Variants in SDK1 observed in about 807,000 individuals in gnomAD.
The protein encoded by SDK1 is protein sidekick-1.
A neutral mutation model predicts 245.5 loss-of-function variants in SDK1; 157 were observed. That is an observed-to-expected ratio of 0.64 (90% CI 0.56 to 0.73). The LOEUF (loss-of-function observed/expected upper bound fraction) is 0.73. SDK1 is among the 30% of genes least tolerant of loss of function. SDK1 has a pLI of 0.00. For missense variants in SDK1, 3,583 were observed against 3,002.3 expected, an observed-to-expected ratio of 1.19 and a Z score of -4.52; for synonymous variants, 1,647 against 1,278.5, an observed-to-expected ratio of 1.29 and a Z score of -6.15.
chr7:3,478,012 C>T (rs545732173), intron 1 of SDK1, among the ~76,000 whole-genome samples: 1 of 152,154 alleles, frequency 6.6e-6, no homozygotes, highest in South Asian at 2.1e-4. Context: ...TATATCCTTC[C>T]TATTGATTTG....
At chr7:3,802,633 A>T (rs541614531) in intron 4 of SDK1, among the ~76,000 whole-genome samples, 13 of 151,828 alleles carry the variant, frequency 8.6e-5, no homozygotes, top group African/African-American at 3.1e-4. Context: ...CAGCTTCCCA[A>T]CCTGGCAGCC....
intron 19 of SDK1, among the ~76,000 whole-genome samples, chr7:4,052,701 A>G (rs1178956475): frequency 2.0e-5 from 3 of 152,200 alleles, no homozygotes; most frequent in Non-Finnish European, 4.4e-5. Flanking sequence ...CCTATGTGGT[A>G]TCATTATGAG....
intron 1 of SDK1, among the ~76,000 whole-genome samples, chr7:3,471,196 G>T (rs1480639300): frequency 6.6e-6 from 1 of 152,060 alleles, no homozygotes; most frequent in Admixed American, 6.5e-5. Context: ...TACTTGAGTC[G>T]TGAGAAGACT....
intron 1 of SDK1, 104 bp from the exon 2 acceptor site, chr7:3,618,976 C>G: frequency 1.0e-6 from 1 of 989,762 alleles, no homozygotes; most frequent in Non-Finnish European, 1.5e-6. Context: ...CCATCACTTT[C>G]ATTTTAATAT....
intron 44 of SDK1, among the ~76,000 whole-genome samples, chr7:4,254,636 T>TG (rs1787519176): frequency 6.6e-6 from 1 of 152,162 alleles, no homozygotes; most frequent in African/African-American, 2.4e-5. Flanking sequence ...CCTTCTTTTT[T>TG]TTTTTTTTTC....
rs143546261 is a variant in SDK1 at position 3,955,105 on chromosome 7, C to T, written c.1150+3185C>T. ...CGAAGCCAGCTGCTCCCACATGTGC[C>T]CTGCTCCTGCTGAGCACGATGGCTC... is the stretch of plus-strand genomic sequence containing the variant. On this transcript the variant is annotated intron_variant, in intron 7 of 44. Transcript: ENST00000404826. 3.9e-3 allele frequency among the ~76,000 whole-genome samples: 591 copies of T among 152,322 alleles called. 3 individuals carry two copies. Among genetic ancestry groups the T allele is most frequent in the Middle Eastern group, 0.02 (6 of 294 alleles).
chr7:3,948,466 G>T (rs1013748523), intron 5 of SDK1, among the ~76,000 whole-genome samples: 1 of 152,090 alleles, frequency 6.6e-6, no homozygotes, highest in Non-Finnish European at 1.5e-5. Context: ...GTTTCACCGT[G>T]TTAGCCAGGA....
At chr7:3,666,202 A>G (rs978244360) in intron 4 of SDK1, among the ~76,000 whole-genome samples, 2 of 152,136 alleles carry the variant, frequency 1.3e-5, no homozygotes, top group African/African-American at 4.8e-5. Context: ...TCCGGGCCTC[A>G]AGATGAAGTT....
intron 42 of SDK1, among the ~76,000 whole-genome samples, chr7:4,239,480 G>C (rs760538473): frequency 3.9e-5 from 6 of 152,208 alleles, no homozygotes; most frequent in Non-Finnish European, 7.3e-5. Context: ...AATTATCAAT[G>C]AGACCACTTC....
At chr7:3,644,595 C>T (rs915915836) in intron 4 of SDK1, among the ~76,000 whole-genome samples, 1 of 150,762 alleles carries the variant, frequency 6.6e-6, no homozygotes, top group Admixed American at 6.6e-5. Flanking sequence ...GAAACCTTAT[C>T]TCTACTGAAA....
chr7:3,729,520 A>G (rs1433828474), intron 4 of SDK1, among the ~76,000 whole-genome samples: 2 of 152,150 alleles, frequency 1.3e-5, no homozygotes, highest in African/African-American at 4.8e-5. Context: ...GAAATTCACA[A>G]CCTCTCACAG....
intron 5 of SDK1, among the ~76,000 whole-genome samples, chr7:3,875,240 G>C (rs1419328782): frequency 6.6e-6 from 1 of 152,142 alleles, no homozygotes; most frequent in African/African-American, 2.4e-5. Context: ...TTCTCTGACA[G>C]AGTCAAGAAA....
chr7:3,545,463 A>G (rs114307925), intron 1 of SDK1, among the ~76,000 whole-genome samples: 1 of 152,336 alleles, frequency 6.6e-6, no homozygotes, highest in African/African-American at 2.4e-5. Context: ...TGTCCCCTGT[A>G]GAAGTCTCAG....
rs377696701 is a variant in SDK1 at position 3,806,331 on chromosome 7, T to C, written c.714-15119T>C. Among the ~76,000 whole-genome samples, 89 of 130,428 alleles carry C rather than the reference T, an allele frequency of 6.8e-4. 2 individuals are homozygous for C. The East Asian group carries it at 0.011, about 16-fold the overall frequency. 85.6% of individuals were successfully genotyped at this position (130,428 alleles called of 152,430 possible). A position where few individuals can be genotyped will look rare whatever the true frequency, so the allele number is the denominator to read the frequency against. Reference sequence around the variant, plus strand: ...GTGGATGTCCACATTAGGATGTGGATGTCCACATTAGGATGTGGATGTCCA... The same window carrying C: ...GTGGATGTCCACATTAGGATGTGGACGTCCACATTAGGATGTGGATGTCCA... On this transcript the variant is annotated intron_variant, in intron 4 of 44. Coordinates refer to ENST00000404826, the MANE Select transcript of SDK1 (RefSeq NM_152744.4).
In SDK1 at chr7:4,023,222, T is replaced by C. The variant is rs73673249; in HGVS notation, c.2602+5870T>C. Among the ~76,000 whole-genome samples, 852 of 152,304 alleles carry C rather than the reference T, an allele frequency of 5.6e-3. 5 individuals are homozygous for C. The highest frequency in any genetic ancestry group is 0.019 in the African/African-American group (803 of 41,564). ...ATAAACTTTCTAACTTTCCTGACTT[T>C]TCTTATCCCCCTTCATCCACCATCC... On this transcript the variant is annotated intron_variant, in intron 17 of 44. Coordinates refer to ENST00000404826, the MANE Select transcript of SDK1 (RefSeq NM_152744.4).
chr7:4,252,424 A>G (rs1243276840), intron 44 of SDK1, among the ~76,000 whole-genome samples: 1 of 152,150 alleles, frequency 6.6e-6, no homozygotes, highest in Non-Finnish European at 1.5e-5. Context: ...TCCATGGTGT[A>G]TATGTGCCAC....
intron 1 of SDK1, among the ~76,000 whole-genome samples, chr7:3,395,969 A>G (rs905960038): frequency 3.3e-5 from 5 of 151,040 alleles, no homozygotes; most frequent in Admixed American, 2.6e-4. Flanking sequence ...TTCTCCTGTC[A>G]TCTTTATTTT....
intron 38 of SDK1, among the ~76,000 whole-genome samples, chr7:4,215,014 G>T (rs2128229628): frequency 6.6e-6 from 1 of 152,320 alleles, no homozygotes; most frequent in African/African-American, 2.4e-5. Flanking sequence ...CCTCATGGCT[G>T]CCTGGGGAAG....
intron 44 of SDK1, among the ~76,000 whole-genome samples, chr7:4,258,273 C>T (rs75259449): frequency 0.017 from 2,658 of 152,290 alleles, 34 homozygotes; most frequent in Non-Finnish European, 0.025. Flanking sequence ...TCAGCAGTCC[C>T]TTCCGAACCA....
Sources: gnomAD v4.1 joint callset for allele counts (sites outside exome capture counted in the v4.1 genomes callset) on GRCh38, gnomAD v4.1.1 for gene constraint, MANE v1.5 for transcripts, NCBI Gene and HGNC (gene_info 2026-07-23, HGNC 2026-07-21) for gene names.